The following STIM2 variants were observed in gnomAD, a reference collection of about 807,000 sequenced individuals.
STIM2 encodes stromal interaction molecule 2.
Under a neutral mutation model 85.8 loss-of-function variants are expected in STIM2, and 31 were observed. That is an observed-to-expected ratio of 0.36 (90% CI 0.27 to 0.49). The LOEUF (loss-of-function observed/expected upper bound fraction) is 0.49. Among genes scored for constraint, STIM2 ranks in the 20% least tolerant of loss-of-function variants. The pLI, the probability that STIM2 is intolerant of heterozygous loss-of-function variation, is 0.98. For synonymous variants in STIM2, 356 were observed against 331.1 expected, an observed-to-expected ratio of 1.08 and a Z score of -0.82; for missense variants, 841 against 927.6, an observed-to-expected ratio of 0.91 and a Z score of 1.21.
chr4:26,976,382 C>CTTT (rs35434321), intron 3 of STIM2, among the ~76,000 whole-genome samples: 8 of 116,932 alleles, frequency 6.8e-5, no homozygotes, highest in South Asian at 2.9e-4. Context: ...TCTTGGGAGT[C>CTTT]TTTTTTTTTT....
intron 3 of STIM2, among the ~76,000 whole-genome samples, chr4:26,979,814 G>C (rs1727315247): frequency 6.6e-6 from 1 of 152,078 alleles, no homozygotes; most frequent in African/African-American, 2.4e-5. Context: ...TATGAGAAAT[G>C]GTAGTTTTAT....
chr4:26,875,572 A>T (rs1054319247), intron 1 of STIM2, among the ~76,000 whole-genome samples: 7 of 151,694 alleles, frequency 4.6e-5, no homozygotes, highest in Non-Finnish European at 4.4e-5. Flanking sequence ...AATTTATCAT[A>T]TAACAACGTG....
chr4:26,964,311 C>G (rs1022294886), intron 3 of STIM2, among the ~76,000 whole-genome samples: 3 of 152,098 alleles, frequency 2.0e-5, no homozygotes, highest in African/African-American at 7.2e-5. Context: ...ATTATTTTAG[C>G]AATTATCTAT....
chr4:26,910,145 T>C (rs1724281352), intron 1 of STIM2, among the ~76,000 whole-genome samples: 2 of 152,198 alleles, frequency 1.3e-5, no homozygotes, highest in African/African-American at 4.8e-5. Context: ...TCAACTATTT[T>C]CTAAGATAAT....
intron 3 of STIM2, among the ~76,000 whole-genome samples, chr4:26,958,383 T>C (rs1280879045): frequency 6.6e-6 from 1 of 152,180 alleles, no homozygotes; most frequent in Non-Finnish European, 1.5e-5. Flanking sequence ...TTCTAATGCT[T>C]CTGTTCTTTC....
chr4:26,861,913 A>G (rs1722221578), intron 1 of STIM2, among the ~76,000 whole-genome samples: 1 of 152,180 alleles, frequency 6.6e-6, no homozygotes, highest in Admixed American at 6.5e-5. Flanking sequence ...GTTAGTATGC[A>G]GAAATGCCTA....
chr4:26,918,505 C>G (rs1724675779), intron 1 of STIM2, among the ~76,000 whole-genome samples: 1 of 152,112 alleles, frequency 6.6e-6, no homozygotes, highest in Admixed American at 6.5e-5. Context: ...TGGCTAACCT[C>G]TGTCTTATGC....
At chr4:26,912,302 T>G (rs573686999) in intron 1 of STIM2, among the ~76,000 whole-genome samples, 1 of 152,330 alleles carries the variant, frequency 6.6e-6, no homozygotes, top group Non-Finnish European at 1.5e-5. Flanking sequence ...AGTTTGTGAT[T>G]GAGTCACCTG....
intron 2 of STIM2, among the ~76,000 whole-genome samples, chr4:26,933,720 C>G (rs529691205): frequency 9.1e-6 from 1 of 110,190 alleles, no homozygotes; most frequent in South Asian, 2.7e-4. Context: ...GGCAGTATAA[C>G]GAGACCTGAT....
chr4:27,018,054 G>C, intron 11 of STIM2, 70 bp downstream of exon 11: 1 of 1,549,212 alleles, frequency 6.5e-7, no homozygotes, highest in Non-Finnish European at 8.8e-7. Context: ...GAGGGGGCGG[G>C]AGGAGTGGTG....
intron 3 of STIM2, among the ~76,000 whole-genome samples, chr4:26,981,894 A>G (rs1321668146): frequency 6.6e-6 from 1 of 151,414 alleles, no homozygotes; most frequent in Non-Finnish European, 1.5e-5. Context: ...TATCTTTGTC[A>G]TTTGATGAAT....
chr4:26,904,602 T>A (rs981458748), intron 1 of STIM2, among the ~76,000 whole-genome samples: 1 of 152,092 alleles, frequency 6.6e-6, no homozygotes, highest in African/African-American at 2.4e-5. Context: ...CAGGCCAGTT[T>A]TGGTGGAGTG....
chr4:26,993,651 A>C (rs1206035837), intron 3 of STIM2, among the ~76,000 whole-genome samples: 4 of 152,142 alleles, frequency 2.6e-5, no homozygotes, highest in Non-Finnish European at 5.9e-5. Flanking sequence ...ATTAACCCTC[A>C]AATTAAATGC....
At chr4:26,908,837 C>G (rs568448562) in intron 1 of STIM2, among the ~76,000 whole-genome samples, 7 of 152,332 alleles carry the variant, frequency 4.6e-5, no homozygotes, top group African/African-American at 1.7e-4. Flanking sequence ...TTTATCCTCT[C>G]TCTTTGTATT....
intron 4 of STIM2, among the ~76,000 whole-genome samples, chr4:26,997,561 A>C (rs1183336097): frequency 6.6e-6 from 1 of 152,080 alleles, no homozygotes; most frequent in Non-Finnish European, 1.5e-5. Flanking sequence ...TCTCGCATAA[A>C]ATTTTGTTAT....
At chr4:26,938,180 CT>C (rs541454706) in intron 2 of STIM2, among the ~76,000 whole-genome samples, 52 of 138,738 alleles carry the variant, frequency 3.7e-4, no homozygotes, top group East Asian at 6.3e-4. Flanking sequence ...CCCAAATTTT[CT>C]TTTTTTTTTT....
At position 27,008,117 on chromosome 4, in the gene STIM2, C is replaced by A. The variant is rs1728432376; in HGVS notation, c.1150-311C>A. 6.0e-6 allele frequency: 4 copies of A among 663,192 alleles called. No homozygotes were observed. In the Admixed American group the frequency reaches 7.7e-5, roughly 13 times the overall value. The allele number at this position is 663,192 out of a possible 1,614,324, so 41.1% of individuals were successfully genotyped here. ...AAAAGCTTAGTTCACTCACTAGCACCATTGTAGTATAATATAGCTAATGTT... is the reference window on the plus strand; with the variant it reads ...AAAAGCTTAGTTCACTCACTAGCACAATTGTAGTATAATATAGCTAATGTT... On this transcript the variant is annotated intron_variant, in intron 8 of 11. Coordinates refer to ENST00000467087, the MANE Select transcript of STIM2 (RefSeq NM_020860.4).
chr4:26,955,790 T>G (rs187817896), intron 2 of STIM2, among the ~76,000 whole-genome samples: 5 of 125,602 alleles, frequency 4.0e-5, no homozygotes, highest in Admixed American at 2.9e-4. Flanking sequence ...TATCATATGC[T>G]CGGCCCAGTT....
intron 1 of STIM2, chr4:26,873,989 C>A: frequency 1.1e-6 from 1 of 909,662 alleles, no homozygotes; most frequent in Non-Finnish European, 1.8e-6. Flanking sequence ...CTGTGCCCCT[C>A]TCTTTCTCCT....
Sources: gnomAD v4.1 joint callset for allele counts (sites outside exome capture counted in the v4.1 genomes callset) on GRCh38, gnomAD v4.1.1 for gene constraint, MANE v1.5 for transcripts, NCBI Gene and HGNC (gene_info 2026-07-23, HGNC 2026-07-21) for gene names.